CERT1: variants seen among roughly 807,000 people sequenced by gnomAD.
CERT1 encodes the protein ceramide transporter 1, also known as ceramide transfer protein.
In CERT1, 31 loss-of-function variants were observed where a neutral mutation model predicts 87.9. The observed-to-expected ratio is 0.35, with a 90% CI of 0.27 to 0.48. The LOEUF (loss-of-function observed/expected upper bound fraction) is 0.48. Ranked by LOEUF, CERT1 falls within the 20% of genes least tolerant of loss-of-function variation. The pLI is 0.99. For synonymous variants in CERT1, 289 were observed against 250.9 expected, an observed-to-expected ratio of 1.15 and a Z score of -1.44; for missense variants, 487 against 758.0, an observed-to-expected ratio of 0.64 and a Z score of 4.20.
chr5:75,392,228 A>G (rs1762053486), intron 11 of CERT1, among the ~76,000 whole-genome samples: 2 of 152,212 alleles, frequency 1.3e-5, no homozygotes, highest in Admixed American at 1.3e-4. Context: ...CTGTTCCTTC[A>G]ATGGTAGGCC....
chr5:75,491,101 A>G (rs539197846), intron 2 of CERT1, among the ~76,000 whole-genome samples: 3 of 152,170 alleles, frequency 2.0e-5, no homozygotes, highest in African/African-American at 7.2e-5. Context: ...ATTTTTCCCT[A>G]ATTTTATAAA....
At chr5:75,501,962 A>G (rs925887915) in intron 2 of CERT1, among the ~76,000 whole-genome samples, 1 of 152,172 alleles carries the variant, frequency 6.6e-6, no homozygotes, top group African/African-American at 2.4e-5. Flanking sequence ...GTAATAAAAG[A>G]TGTCAATAAG....
intron 2 of CERT1, among the ~76,000 whole-genome samples, chr5:75,494,856 T>G (rs530001381): frequency 6.6e-6 from 1 of 152,360 alleles, no homozygotes; most frequent in African/African-American, 2.4e-5. Flanking sequence ...CCATTTCTTT[T>G]CTTCATAAGA....
chr5:75,425,545 T>C, intron 4 of CERT1, 46 bp from the exon 5 acceptor site: 2 of 1,590,344 alleles, frequency 1.3e-6, no homozygotes, highest in East Asian at 2.2e-5. Context: ...AAAACAAAAC[T>C]GGATTTCATG....
chr5:75,472,652 G>C (rs1218809802), intron 2 of CERT1, among the ~76,000 whole-genome samples: 1 of 152,064 alleles, frequency 6.6e-6, no homozygotes, highest in African/African-American at 2.4e-5. Flanking sequence ...TTGTCAACAG[G>C]TATATGAAAA....
intron 11 of CERT1, among the ~76,000 whole-genome samples, chr5:75,391,168 G>A (rs1311824626): frequency 6.6e-6 from 1 of 152,150 alleles, no homozygotes; most frequent in Non-Finnish European, 1.5e-5. Flanking sequence ...TCTGGCCCAG[G>A]CTGGTCTTGA....
intron 8 of CERT1, among the ~76,000 whole-genome samples, chr5:75,406,542 CTTT>C (rs869232885): frequency 4.3e-5 from 6 of 139,384 alleles, no homozygotes; most frequent in Admixed American, 1.4e-4. Flanking sequence ...TATGGTAAGT[CTTT>C]TTTTTTTTTT....
chr5:75,430,336 T>C (rs1016691356), intron 3 of CERT1, among the ~76,000 whole-genome samples: 1 of 152,188 alleles, frequency 6.6e-6, no homozygotes, highest in African/African-American at 2.4e-5. Flanking sequence ...TCTCCGAGAC[T>C]TACATGAATC....
At chr5:75,422,972 A>C (rs1268895789) in intron 5 of CERT1, among the ~76,000 whole-genome samples, 3 of 152,216 alleles carry the variant, frequency 2.0e-5, no homozygotes, top group East Asian at 3.9e-4. Flanking sequence ...AGAAGAAACC[A>C]ACCCTGCCAA....
At chr5:75,394,588 T>C (rs1561230480) in intron 11 of CERT1, among the ~76,000 whole-genome samples, 2 of 152,116 alleles carry the variant, frequency 1.3e-5, no homozygotes, top group African/African-American at 2.4e-5. Context: ...CATGATGGCA[T>C]GTGCCTGTAG....
chr5:75,432,214 G>C (rs1180759393), intron 3 of CERT1, among the ~76,000 whole-genome samples: 4 of 152,158 alleles, frequency 2.6e-5, no homozygotes, highest in Admixed American at 2.6e-4. Flanking sequence ...ACCACACCCG[G>C]CTAATTTTGT....
At chr5:75,427,231 T>G (rs556594598) in intron 3 of CERT1, among the ~76,000 whole-genome samples, 6 of 152,230 alleles carry the variant, frequency 3.9e-5, no homozygotes, top group Admixed American at 3.9e-4. Context: ...ATTAAAACAT[T>G]TGAACTTCCA....
chr5:75,509,202 T>C (rs949522536), intron 1 of CERT1, among the ~76,000 whole-genome samples: 2 of 152,168 alleles, frequency 1.3e-5, no homozygotes, highest in Non-Finnish European at 1.5e-5. Context: ...CCGGGACTTA[T>C]TTACATTACT....
intron 3 of CERT1, among the ~76,000 whole-genome samples, chr5:75,457,310 C>G (rs1255671778): frequency 6.6e-6 from 1 of 152,134 alleles, no homozygotes; most frequent in Non-Finnish European, 1.5e-5. Context: ...TCATTTATGT[C>G]TTACTACTAC....
intron 5 of CERT1, among the ~76,000 whole-genome samples, chr5:75,419,893 CT>C (rs1421858257): frequency 6.6e-6 from 1 of 152,162 alleles, no homozygotes. Flanking sequence ...GCCATTTCCA[CT>C]CTGTAAGAGG....
rs148376393 is a variant in CERT1 at position 75,464,698 on chromosome 5, C to T, written c.232-5517G>A. Among the ~76,000 whole-genome samples, 103 of 152,230 alleles carry T rather than the reference C, an allele frequency of 6.8e-4. 1 individual carries two copies. The highest frequency in any genetic ancestry group is 2.4e-3 in the African/African-American group (100 of 41,536). On this transcript the variant is annotated intron_variant, in intron 2 of 16. Transcript: ENST00000643780. ...TCACATGATCCTCCCACCTCAGCCT[C>T]TGGAGTAGCTGAGACCACAGATGCA...
rs928762007 is a variant in CERT1 at position 75,426,366 on chromosome 5, C to T, written c.456+5G>A. Reference sequence around the variant, plus strand: ...TTTAACTTAAGGCATCCATTAACTACACACCTTGAATGAAGAGGTGGATGT... The same window carrying T: ...TTTAACTTAAGGCATCCATTAACTATACACCTTGAATGAAGAGGTGGATGT... On this transcript the variant is annotated splice_donor_5th_base_variant and intron_variant, in intron 4 of 16. Coordinates refer to ENST00000643780, the MANE Select transcript of CERT1 (RefSeq NM_001379029.1). 6.3e-7 allele frequency: 1 copy of T among 1,598,490 alleles called. No individual in the cohort carries two copies. Among genetic ancestry groups the T allele is most frequent in the Non-Finnish European group, 8.6e-7 (1 of 1,165,938 alleles).
Position 75,425,414 on chromosome 5 carries a change from T to C in CERT1, c.542A>G (p.Tyr181Cys). 1 of 1,614,078 alleles carries C rather than the reference T, an allele frequency of 6.2e-7. No individual in the cohort carries two copies. Among genetic ancestry groups the C allele is most frequent in the African/African-American group, 1.3e-5 (1 of 75,076 alleles). Residue 181 changes from tyrosine to cysteine, a missense_variant, in exon 5 of 17, where the codon TAC (tyrosine) becomes TGC (cysteine). Physicochemically the swap from Tyr to Cys is radical, Grantham distance 194. Around this residue, in one of 8 missense-constraint regions of CERT1, gnomAD observed 173 missense variants for 302.2 expected, o/e 0.57. Transcript: ENST00000643780. Reference protein sequence around the residue: ...LCRQVDTLQKYFDACADAVSK... With the variant: ...LCRQVDTLQKCFDACADAVSK... Reference sequence around the variant, plus strand: ...GACAGCATCAGCACAGGCATCAAAGTACTTCTGTAGCGTGTCAACTTGTCT... The same window carrying C: ...GACAGCATCAGCACAGGCATCAAAGCACTTCTGTAGCGTGTCAACTTGTCT...
intron 2 of CERT1, among the ~76,000 whole-genome samples, chr5:75,464,831 A>C (rs1462899124): frequency 6.6e-6 from 1 of 151,984 alleles, no homozygotes; most frequent in Non-Finnish European, 1.5e-5. Flanking sequence ...ATCTGCCTTG[A>C]TCTCCCAAAG....
Sources: allele counts gnomAD v4.1 joint callset (sites outside exome capture counted in the v4.1 genomes callset), GRCh38; gene constraint gnomAD v4.1.1; regional missense constraint gnomAD v4.1.1; transcripts MANE v1.5; gene names NCBI Gene and HGNC (gene_info 2026-07-23, HGNC 2026-07-21).